FLRT1: variants seen among roughly 807,000 people sequenced by gnomAD.
FLRT1 encodes the protein fibronectin leucine rich transmembrane protein 1, also known as leucine-rich repeat transmembrane protein FLRT1.
In FLRT1, 14 loss-of-function variants were observed where a neutral mutation model predicts 30.9. The ratio of observed to expected loss-of-function variants is 0.45; its 90% CI spans 0.30 to 0.71. FLRT1 has a LOEUF of 0.71. FLRT1 is among the 30% of genes least tolerant of loss of function. The pLI is 0.08. For synonymous variants in FLRT1, 368 were observed against 430.4 expected (o/e 0.85, Z 1.80); for missense variants, 737 against 949.2 (o/e 0.78, Z 2.94).
At chr11:64,076,377 C>A (rs1032431854) in intron 1 of FLRT1, among the ~76,000 whole-genome samples, 2 of 152,100 alleles carry the variant, frequency 1.3e-5, no homozygotes, top group Non-Finnish European at 2.9e-5. Context: ...GCCTGGAGAC[C>A]GTGATTGTCT....
At position 64,059,475 on chromosome 11, in the gene FLRT1, C is replaced by T. The variant is rs548026951; in HGVS notation, c.-1038+23316C>T. On this transcript the variant is annotated intron_variant, in intron 1 of 2. Transcript: ENST00000682287. Reference sequence around the variant, plus strand: ...CGTGGGCCCACCTGTTCTGAGAGGGCATCCCATGCCCTTCCACAGGCTGAC... The same window carrying T: ...CGTGGGCCCACCTGTTCTGAGAGGGTATCCCATGCCCTTCCACAGGCTGAC... 5.1e-4 allele frequency among the ~76,000 whole-genome samples: 78 copies of T among 152,290 alleles called. 1 individual carries two copies. The highest frequency in any genetic ancestry group is 1.2e-3 in the Admixed American group (19 of 15,306).
intron 2 of FLRT1, among the ~76,000 whole-genome samples, chr11:64,110,892 C>T (rs1179017464): frequency 6.6e-6 from 1 of 152,200 alleles, no homozygotes; most frequent in Admixed American, 6.5e-5. Flanking sequence ...CTATCTTCCT[C>T]CCCACCCCCA....
chr11:64,086,138 G>A (rs1187657058), intron 1 of FLRT1, among the ~76,000 whole-genome samples: 1 of 152,178 alleles, frequency 6.6e-6, no homozygotes, highest in African/African-American at 2.4e-5. Context: ...GGGTGGCTGC[G>A]CACACACAGC....
intron 1 of FLRT1, among the ~76,000 whole-genome samples, chr11:64,057,952 C>T (rs1287672897): frequency 6.6e-6 from 1 of 152,240 alleles, no homozygotes; most frequent in Non-Finnish European, 1.5e-5. Flanking sequence ...CCCTGGGCTC[C>T]CAAGACAACG....
intron 2 of FLRT1, among the ~76,000 whole-genome samples, chr11:64,112,738 G>C (rs1287686010): frequency 6.6e-6 from 1 of 152,146 alleles, no homozygotes; most frequent in Non-Finnish European, 1.5e-5. Flanking sequence ...GGGATACTAG[G>C]GGGTGCCTGG....
chr11:64,104,444 G>A (rs1374367501), intron 2 of FLRT1, among the ~76,000 whole-genome samples: 1 of 152,110 alleles, frequency 6.6e-6, no homozygotes, highest in East Asian at 1.9e-4. Context: ...CCAGCAGCTG[G>A]ACCCAGGATG....
At chr11:64,054,846 C>G (rs1003250290) in intron 1 of FLRT1, among the ~76,000 whole-genome samples, 1 of 152,022 alleles carries the variant, frequency 6.6e-6, no homozygotes, top group Non-Finnish European at 1.5e-5. Context: ...ACTTTCCAGC[C>G]AGCTTTTAAG....
intron 1 of FLRT1, among the ~76,000 whole-genome samples, chr11:64,083,440 C>A (rs1032838413): frequency 6.6e-6 from 1 of 152,164 alleles, no homozygotes; most frequent in Non-Finnish European, 1.5e-5. Context: ...CACAGTGAGA[C>A]TCTGTCCCCC....
Position 64,082,808 on chromosome 11 carries a change from C to G in FLRT1, c.-1037-20386C>G. 1.3e-5 allele frequency: 2 copies of G among 152,448 alleles called. 1 individual carries two copies. The highest frequency in any genetic ancestry group is 2.9e-5 in the Non-Finnish European group (2 of 68,196). 9.4% of individuals were successfully genotyped at this position (152,448 alleles called of 1,614,324 possible). On this transcript the variant is annotated intron_variant, in intron 1 of 2. Transcript: ENST00000682287. The surrounding 1 kb of genome is among the most constrained non-coding windows in gnomAD (Gnocchi z 4.5). ...TCACCTGCTCCCATTTCCCCTGTTT[C>G]CCTCAGCTCAGACATCACCACGACC...
chr11:64,115,727 G>A lies in FLRT1; in HGVS notation c.-49-492G>A, dbSNP rs577952586. 5.9e-5 allele frequency among the ~76,000 whole-genome samples: 9 copies of A among 152,304 alleles called. No individual in the cohort carries two copies. In the South Asian group the frequency reaches 6.2e-4, roughly 11 times the overall value. On this transcript the variant is annotated intron_variant, in intron 2 of 2. Transcript: ENST00000682287. ...AGCTTTCCTTTCGAATCCTGGGTCC[G>A]AGCCAGACAGCAATGCGTGCTCCTC...
At chr11:64,062,438 T>C (rs558556801) in intron 1 of FLRT1, among the ~76,000 whole-genome samples, 1 of 152,282 alleles carries the variant, frequency 6.6e-6, no homozygotes, top group East Asian at 1.9e-4. Context: ...CAACTGGGCA[T>C]AGGCGGAAGG....
Position 64,041,165 on chromosome 11 carries a change from G to A in FLRT1, c.-1038+5006G>A, listed in dbSNP as rs189998921. ...TTCCCTCCTTCTGCCTGAATTAATC[G>A]TTGGCACCAGATTACAACAGATTTA... On this transcript the variant is annotated intron_variant, in intron 1 of 2. Transcript: ENST00000682287. Among the ~76,000 whole-genome samples the A allele has an allele frequency of 4.2e-3, 511 of 120,468 alleles. 5 individuals are homozygous for A. The Middle Eastern group carries it at 0.047, about 11-fold the overall frequency. 79.0% of individuals were successfully genotyped at this position (120,468 alleles called of 152,430 possible). A position where few individuals can be genotyped will look rare whatever the true frequency, so the allele number is the denominator to read the frequency against.
intron 2 of FLRT1, among the ~76,000 whole-genome samples, chr11:64,110,959 G>A (rs1254843680): frequency 2.0e-5 from 3 of 152,218 alleles, no homozygotes; most frequent in Non-Finnish European, 4.4e-5. Flanking sequence ...GCCTTGGGGA[G>A]GGGGGCGGCA....
chr11:64,047,939 CCCAGCCCTGCAG>C (rs1943616258), intron 1 of FLRT1, among the ~76,000 whole-genome samples: 2 of 151,934 alleles, frequency 1.3e-5, no homozygotes. Flanking sequence ...AAAGCAGAGC[CCCAGCCCTGCAG>C]CAACTTCCTG....
At chr11:64,068,869 C>T (rs1162220102) in intron 1 of FLRT1, among the ~76,000 whole-genome samples, 4 of 152,220 alleles carry the variant, frequency 2.6e-5, no homozygotes, top group Admixed American at 6.5e-5. Context: ...CGGCCTTCCC[C>T]GGAGGTTCAC....
intron 2 of FLRT1, among the ~76,000 whole-genome samples, chr11:64,113,598 G>C (rs1944902607): frequency 1.6e-5 from 2 of 126,688 alleles, no homozygotes; most frequent in Admixed American, 1.7e-4. Flanking sequence ...TGGATGGATG[G>C]TTAGGTGGAT....
chr11:64,051,856 G>A (rs1177544637), intron 1 of FLRT1, among the ~76,000 whole-genome samples: 2 of 151,914 alleles, frequency 1.3e-5, no homozygotes, highest in Non-Finnish European at 2.9e-5. Context: ...TGGATATTGG[G>A]GGCCATGGCC....
At chr11:64,059,276 C>T (rs1253285252) in intron 1 of FLRT1, among the ~76,000 whole-genome samples, 1 of 152,178 alleles carries the variant, frequency 6.6e-6, no homozygotes, top group Non-Finnish European at 1.5e-5. Flanking sequence ...AGGTGCCGCC[C>T]TGTGAAGAGG....
At chr11:64,083,878 G>T (rs1003964093) in intron 1 of FLRT1, among the ~76,000 whole-genome samples, 1 of 152,236 alleles carries the variant, frequency 6.6e-6, no homozygotes, top group Non-Finnish European at 1.5e-5. Context: ...GGTGCTGGGC[G>T]AGTGTGAGCA....
Sources: gnomAD v4.1 joint callset for allele counts (sites outside exome capture counted in the v4.1 genomes callset) on GRCh38, gnomAD v4.1.1 for gene constraint, Gnocchi (gnomAD v3.1) non-coding constraint, MANE v1.5 for transcripts, NCBI Gene and HGNC (gene_info 2026-07-23, HGNC 2026-07-21) for gene names.